Variants in DLGAP2 observed in about 807,000 individuals in gnomAD.
The protein encoded by DLGAP2 is DLG associated protein 2.
A neutral mutation model predicts 100.3 loss-of-function variants in DLGAP2; 26 were observed. The observed-to-expected ratio is 0.26, with a 90% CI of 0.19 to 0.36. DLGAP2 has a LOEUF of 0.36. Among genes scored for constraint, DLGAP2 ranks in the 10% least tolerant of loss-of-function variants. The pLI is 1.00. For missense variants in DLGAP2, 1,858 were observed against 1,453.2 expected, an observed-to-expected ratio of 1.28 and a Z score of -4.53; for synonymous variants, 886 against 630.1, an observed-to-expected ratio of 1.41 and a Z score of -6.08.
intron 3 of DLGAP2, among the ~76,000 whole-genome samples, chr8:1,442,559 G>T (rs1270520020): frequency 7.0e-6 from 1 of 142,890 alleles, no homozygotes; most frequent in Admixed American, 7.0e-5. Flanking sequence ...ACGGATCCGG[G>T]CGTAGACCCG....
chr8:1,294,308 A>C (rs1219686876), intron 3 of DLGAP2, among the ~76,000 whole-genome samples: 2 of 152,200 alleles, frequency 1.3e-5, no homozygotes, highest in Admixed American at 1.3e-4. Flanking sequence ...AAGGGAAAAA[A>C]TGCCATGTTC....
At chr8:1,332,946 A>C (rs1801191531) in intron 3 of DLGAP2, among the ~76,000 whole-genome samples, 1 of 152,190 alleles carries the variant, frequency 6.6e-6, no homozygotes, top group Non-Finnish European at 1.5e-5. Flanking sequence ...CCCCAGCAGC[A>C]AGCCTACTCC....
At chr8:1,064,843 C>T (rs1000040901) in intron 2 of DLGAP2, among the ~76,000 whole-genome samples, 2 of 152,228 alleles carry the variant, frequency 1.3e-5, no homozygotes, top group Non-Finnish European at 2.9e-5. Context: ...CACCCCCCTC[C>T]ACCCTGACAT....
At chr8:1,290,269 C>G (rs1442041119) in intron 3 of DLGAP2, among the ~76,000 whole-genome samples, 1 of 152,234 alleles carries the variant, frequency 6.6e-6, no homozygotes, top group Non-Finnish European at 1.5e-5. Flanking sequence ...CGTCGCGCTC[C>G]TGACGTGGCT....
At chr8:1,508,754 C>T (rs1333064461) in intron 4 of DLGAP2, among the ~76,000 whole-genome samples, 1 of 151,196 alleles carries the variant, frequency 6.6e-6, no homozygotes, top group East Asian at 2.0e-4. Flanking sequence ...GAGGCGCTGA[C>T]GGCGTTCCCT....
At chr8:1,244,364 T>C (rs78422514) in intron 2 of DLGAP2, among the ~76,000 whole-genome samples, 2,111 of 152,318 alleles carry the variant, frequency 0.014, 52 homozygotes, top group East Asian at 0.056. Flanking sequence ...AGCACATGTG[T>C]TAAACGCTGT....
At chr8:1,435,472 C>T (rs769133040) in intron 3 of DLGAP2, among the ~76,000 whole-genome samples, 2 of 152,120 alleles carry the variant, frequency 1.3e-5, no homozygotes, top group Non-Finnish European at 2.9e-5. Flanking sequence ...GCATGACTCA[C>T]GTGTGACTTA....
chr8:1,267,420 G>T (rs894078669), intron 3 of DLGAP2, among the ~76,000 whole-genome samples: 1 of 150,254 alleles, frequency 6.7e-6, no homozygotes, highest in Non-Finnish European at 1.5e-5. Context: ...ACAAAAATTA[G>T]CCAGGTGTGG....
intron 2 of DLGAP2, among the ~76,000 whole-genome samples, chr8:1,123,378 G>C (rs555019028): frequency 1.3e-5 from 2 of 152,212 alleles, no homozygotes; most frequent in African/African-American, 4.8e-5. Context: ...CTGAGGCTTA[G>C]TAGGTACAGC....
chr8:1,600,187 T>C (rs1222196853), intron 6 of DLGAP2, among the ~76,000 whole-genome samples: 5 of 152,216 alleles, frequency 3.3e-5, no homozygotes, highest in Non-Finnish European at 7.3e-5. Flanking sequence ...TTTAAGAATG[T>C]TGAATATTGG....
intron 2 of DLGAP2, among the ~76,000 whole-genome samples, chr8:1,027,763 G>T (rs1435544796): frequency 7.6e-6 from 1 of 131,334 alleles, no homozygotes; most frequent in Non-Finnish European, 1.6e-5. Context: ...TATTCTCCAG[G>T]TGGGGTGTCA....
chr8:1,338,191 C>T (rs1801332726), intron 3 of DLGAP2, among the ~76,000 whole-genome samples: 3 of 152,332 alleles, frequency 2.0e-5, no homozygotes, highest in South Asian at 2.1e-4. Flanking sequence ...GCATTCATCC[C>T]AGAGAAATGA....
intron 2 of DLGAP2, among the ~76,000 whole-genome samples, chr8:1,142,913 C>T (rs949708313): frequency 5.3e-5 from 8 of 152,096 alleles, no homozygotes; most frequent in Admixed American, 6.5e-5. Flanking sequence ...CAAGAGGGGT[C>T]GTATCCCCTT....
chr8:1,426,503 G>A (rs1797239852), intron 3 of DLGAP2, among the ~76,000 whole-genome samples: 1 of 152,170 alleles, frequency 6.6e-6, no homozygotes. Context: ...CAGAAAAGTT[G>A]TATCCAGGGA....
At chr8:1,238,454 T>G (rs1225285601) in intron 2 of DLGAP2, among the ~76,000 whole-genome samples, 10 of 137,412 alleles carry the variant, frequency 7.3e-5, no homozygotes, top group Admixed American at 2.2e-4. Flanking sequence ...CATGGCGCCG[T>G]GTCTAGTTCT....
chr8:1,697,606 C>G (rs1799434220), intron 14 of DLGAP2, among the ~76,000 whole-genome samples: 2 of 152,198 alleles, frequency 1.3e-5, no homozygotes, highest in African/African-American at 4.8e-5. Context: ...AAACCTGCAG[C>G]CTCATTCCTG....
rs368869122 is a variant in DLGAP2 at position 1,678,221 on chromosome 8, C to T, written c.2296C>T (p.Arg766Cys). The T allele has an allele frequency of 1.1e-5, 17 of 1,608,904 alleles. No homozygotes were observed. The highest frequency in any genetic ancestry group is 2.2e-5 in the East Asian group (1 of 44,762). Residue 766 changes from arginine (R) to cysteine (C), a missense_variant, in exon 12 of 15, where the codon CGT becomes TGT. Physicochemically the swap from Arg to Cys is radical, Grantham distance 180. Transcript: ENST00000637795. ...VQVEDEKRHG[R>C]FKRSNSVTAA... is the part of the protein sequence containing the mutation. The stretch of plus-strand genomic sequence containing the variant: ...CCTTCCCTCCTTTTGCAGACACGGA[C>T]GTTTTAAACGTTCTAACAGCGTCAC...
Position 1,651,146 on chromosome 8 carries a change from C to A in DLGAP2, c.1811-17183C>A, listed in dbSNP as rs577084929. Among the ~76,000 whole-genome samples, 34 of 152,364 alleles carry A rather than the reference C, an allele frequency of 2.2e-4. 1 individual carries two copies. In the South Asian group the frequency reaches 6.4e-3, roughly 29 times the overall value. On this transcript the variant is annotated intron_variant, in intron 8 of 14. Coordinates refer to ENST00000637795, the MANE Select transcript of DLGAP2 (RefSeq NM_001346810.2). ...CTGAAGATAAACAGGTTTACCAATT[C>A]TTTGCAAACACTCAGACACCGTATT...
chr8:1,165,553 C>A, intron 2 of DLGAP2, among the ~76,000 whole-genome samples: 1 of 152,230 alleles, frequency 6.6e-6, no homozygotes, highest in East Asian at 1.9e-4. Flanking sequence ...AAGCCTTGTT[C>A]TAGATACTGG....
Sources: allele counts gnomAD v4.1 joint callset (sites outside exome capture counted in the v4.1 genomes callset), GRCh38; gene constraint gnomAD v4.1.1; transcripts MANE v1.5; gene names NCBI Gene and HGNC (gene_info 2026-07-23, HGNC 2026-07-21).